Variants in SDK1 observed in about 807,000 individuals in gnomAD.
The protein encoded by SDK1 is protein sidekick-1.
SDK1 carries 157 observed loss-of-function variants against 245.5 expected under a neutral mutation model. That is an observed-to-expected ratio of 0.64 (90% CI 0.56 to 0.73). SDK1 has a LOEUF of 0.73. SDK1 is among the 30% of genes least tolerant of loss of function. The probability of loss-of-function intolerance (pLI) is 0.00; values close to 1 mark genes in which losing one functional copy is unlikely to be tolerated. For missense variants in SDK1, 3,583 were observed against 3,002.3 expected (o/e 1.19, Z -4.52); for synonymous variants, 1,647 against 1,278.5 (o/e 1.29, Z -6.15).
At chr7:3,739,195 A>G (rs892683431) in intron 4 of SDK1, among the ~76,000 whole-genome samples, 1 of 152,094 alleles carries the variant, frequency 6.6e-6, no homozygotes, top group Admixed American at 6.5e-5. Context: ...CTTGACAAGT[A>G]ATTGTTTTCT....
chr7:3,757,850 G>T (rs900821864), intron 4 of SDK1, among the ~76,000 whole-genome samples: 1 of 152,154 alleles, frequency 6.6e-6, no homozygotes, highest in African/African-American at 2.4e-5. Flanking sequence ...GGGGCTGAAA[G>T]TTCCAAGTTT....
intron 40 of SDK1, 61 bp from the exon 41 acceptor site, chr7:4,233,194 G>A: frequency 1.3e-6 from 2 of 1,529,138 alleles, no homozygotes; most frequent in Non-Finnish European, 8.9e-7. Context: ...AGGTGCATGG[G>A]GCTCGCATCT....
intron 4 of SDK1, among the ~76,000 whole-genome samples, chr7:3,683,273 A>G (rs1215153281): frequency 1.3e-5 from 2 of 152,202 alleles, no homozygotes; most frequent in Admixed American, 6.5e-5. Flanking sequence ...GACCCAGCAC[A>G]TACTATGCAC....
intron 4 of SDK1, among the ~76,000 whole-genome samples, chr7:3,739,279 A>G (rs1332193360): frequency 1.3e-5 from 2 of 152,188 alleles, no homozygotes; most frequent in East Asian, 3.9e-4. Context: ...ATATCTTTGC[A>G]TTTATCCTTC....
intron 40 of SDK1, among the ~76,000 whole-genome samples, chr7:4,231,371 CTGG>C (rs1785751233): frequency 1.3e-5 from 2 of 151,256 alleles, no homozygotes; most frequent in Non-Finnish European, 2.9e-5. Flanking sequence ...CGAGCCCAGC[CTGG>C]GCAACACAGG....
intron 1 of SDK1, among the ~76,000 whole-genome samples, chr7:3,611,130 G>T (rs1039730963): frequency 4.6e-5 from 7 of 152,096 alleles, no homozygotes; most frequent in African/African-American, 1.4e-4. Context: ...CAGAGAAGTT[G>T]GGTGGGTAAT....
At chr7:3,888,455 T>A (rs899825453) in intron 5 of SDK1, among the ~76,000 whole-genome samples, 1 of 152,222 alleles carries the variant, frequency 6.6e-6, no homozygotes, top group South Asian at 2.1e-4. Flanking sequence ...CAGAGTGGAT[T>A]CACAGAGGCC....
intron 40 of SDK1, among the ~76,000 whole-genome samples, chr7:4,223,755 T>TG (rs1054681722): frequency 1.3e-5 from 2 of 152,076 alleles, no homozygotes; most frequent in Admixed American, 6.6e-5. Context: ...GAATTTGCAG[T>TG]GGGGGGCAGA....
chr7:4,043,607 A>G (rs1344947105), intron 17 of SDK1, among the ~76,000 whole-genome samples: 1 of 152,234 alleles, frequency 6.6e-6, no homozygotes, highest in Non-Finnish European at 1.5e-5. Flanking sequence ...TGCCCCAGAG[A>G]GGCACTGCCT....
chr7:3,524,034 C>T (rs963766715), intron 1 of SDK1, among the ~76,000 whole-genome samples: 2 of 152,144 alleles, frequency 1.3e-5, no homozygotes, highest in Admixed American at 1.3e-4. Flanking sequence ...TGAGTCAGCT[C>T]ATTAGCTTCA....
At chr7:4,180,479 G>A (rs1339417296) in intron 35 of SDK1, among the ~76,000 whole-genome samples, 3 of 140,248 alleles carry the variant, frequency 2.1e-5, no homozygotes, top group East Asian at 4.4e-4. Flanking sequence ...CCCTGTGCCT[G>A]GCTCCAGCTC....
At chr7:3,371,800 A>G (rs533973302) in intron 1 of SDK1, among the ~76,000 whole-genome samples, 33 of 152,348 alleles carry the variant, frequency 2.2e-4, no homozygotes, top group Middle Eastern at 3.4e-3. Context: ...GAAAACCACA[A>G]TTAAATTGAC....
chr7:3,734,436 G>A (rs528312288), intron 4 of SDK1, among the ~76,000 whole-genome samples: 145 of 152,314 alleles, frequency 9.5e-4, no homozygotes, highest in Admixed American at 1.6e-3. Context: ...TCCATTTTTA[G>A]ACTTTAATCC....
chr7:3,511,009 G>A (rs73035927), intron 1 of SDK1, among the ~76,000 whole-genome samples: 2,924 of 152,300 alleles, frequency 0.019, 32 homozygotes, highest in Middle Eastern at 0.054. Context: ...AAGAGTGTAG[G>A]GGGACGAGGG....
chr7:4,194,315 T>C (rs917840104), intron 35 of SDK1, among the ~76,000 whole-genome samples: 1 of 118,166 alleles, frequency 8.5e-6, no homozygotes, highest in Non-Finnish European at 1.7e-5. Flanking sequence ...CATGTATACA[T>C]ATATGTATGC....
At chr7:3,400,680 A>G (rs1344695841) in intron 1 of SDK1, among the ~76,000 whole-genome samples, 2 of 152,148 alleles carry the variant, frequency 1.3e-5, no homozygotes, top group African/African-American at 4.8e-5. Context: ...CTAGAAATAT[A>G]TGTGTCATAA....
chr7:3,536,254 G>C (rs1251921331), intron 1 of SDK1, among the ~76,000 whole-genome samples: 2 of 150,682 alleles, frequency 1.3e-5, no homozygotes, highest in Admixed American at 1.3e-4. Flanking sequence ...TTTTACTAGA[G>C]ACGGGGTTGC....
intron 4 of SDK1, among the ~76,000 whole-genome samples, chr7:3,653,309 G>C (rs1202183323): frequency 6.6e-6 from 1 of 152,158 alleles, no homozygotes; most frequent in Non-Finnish European, 1.5e-5. Context: ...CGTGTAAGCT[G>C]TTGTAGGCGT....
chr7:3,528,088 G>C (rs1201450268), intron 1 of SDK1, among the ~76,000 whole-genome samples: 3 of 148,780 alleles, frequency 2.0e-5, no homozygotes, highest in African/African-American at 7.5e-5. Context: ...GCCAGCTAGG[G>C]GGTGAAGGGT....
Sources: allele counts gnomAD v4.1 joint callset (sites outside exome capture counted in the v4.1 genomes callset), GRCh38; gene constraint gnomAD v4.1.1; transcripts MANE v1.5; gene names NCBI Gene and HGNC (gene_info 2026-07-23, HGNC 2026-07-21).